SPATS2L: variants seen among roughly 807,000 people sequenced by gnomAD.
The protein encoded by SPATS2L is SPATS2-like protein.
Under a neutral mutation model 59.6 loss-of-function variants are expected in SPATS2L, and 30 were observed. That is an observed-to-expected ratio of 0.50 (90% CI 0.38 to 0.68). SPATS2L has a LOEUF of 0.68. Among genes scored for constraint, SPATS2L ranks in the 30% least tolerant of loss-of-function variants. The pLI is 0.00. For synonymous variants in SPATS2L, 252 were observed against 263.5 expected (o/e 0.96, Z 0.42); for missense variants, 615 against 700.0 (o/e 0.88, Z 1.37).
At chr2:200,380,922 G>A (rs957638451) in intron 2 of SPATS2L, among the ~76,000 whole-genome samples, 1 of 152,032 alleles carries the variant, frequency 6.6e-6, no homozygotes, top group African/African-American at 2.4e-5. Flanking sequence ...TAATTAAAGC[G>A]ACTTTCCTCT....
intron 2 of SPATS2L, among the ~76,000 whole-genome samples, chr2:200,384,336 TTTTATTTATTTATTTATTTA>T (rs10592541): frequency 6.8e-6 from 1 of 148,076 alleles, no homozygotes; most frequent in East Asian, 2.0e-4. Flanking sequence ...GGTTCATAAA[TTTTATTTATTTATTTATTTA>T]TTTATTTATT....
At chr2:200,403,192 G>A (rs1278586833) in intron 3 of SPATS2L, among the ~76,000 whole-genome samples, 1 of 152,156 alleles carries the variant, frequency 6.6e-6, no homozygotes, top group Non-Finnish European at 1.5e-5. Context: ...GCCCAACCAA[G>A]GCAGGTGCAG....
intron 9 of SPATS2L, among the ~76,000 whole-genome samples, chr2:200,460,358 C>G (rs1396812294): frequency 1.3e-5 from 2 of 152,122 alleles, no homozygotes; most frequent in African/African-American, 4.8e-5. Flanking sequence ...TTTAATATAT[C>G]TGATTTGTCT....
At position 200,478,905 on chromosome 2, in the gene SPATS2L, T is replaced by TTTTTTC. The variant is rs1163314317; in HGVS notation, c.*886_*891dup. On this transcript the variant is annotated 3_prime_UTR_variant, in exon 13 of 13. Coordinates refer to ENST00000409140, the MANE Select transcript of SPATS2L (RefSeq NM_001100423.2). Reference sequence around the variant, plus strand: ...AGCTCCCATCTCTTTTTTTTTTTTCTTTTTTCTTTTTCTTTTTTTGAGACA... The same window carrying TTTTTTC: ...AGCTCCCATCTCTTTTTTTTTTTTCTTTTTTCTTTTTCTTTTTCTTTTTTTGAGACA... 2 of 151,696 alleles carry TTTTTTC rather than the reference T, an allele frequency of 1.3e-5. No individual in the cohort carries two copies. Among genetic ancestry groups the TTTTTTC allele is most frequent in the Non-Finnish European group, 2.9e-5 (2 of 67,952 alleles). 9.4% of individuals were successfully genotyped at this position (151,696 alleles called of 1,614,324 possible).
chr2:200,338,874 A>G (rs746869947), intron 2 of SPATS2L, among the ~76,000 whole-genome samples: 31 of 152,214 alleles, frequency 2.0e-4, no homozygotes, highest in Non-Finnish European at 3.8e-4. Flanking sequence ...CCAGATGACC[A>G]AAAGAGGGTG....
chr2:200,441,242 T>C (rs977417842), intron 8 of SPATS2L, among the ~76,000 whole-genome samples: 1 of 152,218 alleles, frequency 6.6e-6, no homozygotes, highest in Non-Finnish European at 1.5e-5. Context: ...TCTTTAAGAC[T>C]AGAATTTAAA....
intron 5 of SPATS2L, 24 bp from the exon 6 acceptor site, chr2:200,419,226 G>A (rs2083203624): frequency 2.6e-6 from 4 of 1,544,470 alleles, no homozygotes; most frequent in Non-Finnish European, 3.5e-6. Context: ...TGAATATTAT[G>A]TTCTCATTTG....
chr2:200,408,120 C>G (rs918299372), intron 3 of SPATS2L, among the ~76,000 whole-genome samples: 13 of 152,088 alleles, frequency 8.5e-5, no homozygotes, highest in African/African-American at 2.9e-4. Context: ...CAAAGGTGAC[C>G]TCTGGCAGGG....
At chr2:200,457,227 C>T (rs1463177834) in intron 8 of SPATS2L, among the ~76,000 whole-genome samples, 1 of 1,850 alleles carries the variant, frequency 5.4e-4, no homozygotes, top group African/African-American at 7.8e-4. Flanking sequence ...CATACATACA[C>T]ACACACACAC....
At chr2:200,459,714 GT>G in intron 8 of SPATS2L, 54 bp from the exon 9 acceptor site, 6 of 1,371,202 alleles carry the variant, frequency 4.4e-6, no homozygotes, top group Non-Finnish European at 6.1e-6. Context: ...CTTATTAAAA[GT>G]TTATCTTTGA....
chr2:200,455,365 GC>G (rs2085761888), intron 8 of SPATS2L, among the ~76,000 whole-genome samples: 1 of 152,192 alleles, frequency 6.6e-6, no homozygotes, highest in Non-Finnish European at 1.5e-5. Flanking sequence ...GCAAGGTTAA[GC>G]AGAAGAGTTG....
chr2:200,435,236 A>G (rs768110263), intron 6 of SPATS2L, among the ~76,000 whole-genome samples: 45 of 152,314 alleles, frequency 3.0e-4, no homozygotes, highest in Non-Finnish European at 4.6e-4. Flanking sequence ...TCAGGACATT[A>G]TATACCATTT....
intron 9 of SPATS2L, chr2:200,461,367 C>G (rs2086228151): frequency 2.0e-5 from 3 of 152,028 alleles, no homozygotes; most frequent in South Asian, 4.1e-4. Flanking sequence ...TTTCTTTATG[C>G]TGATTTCTAA....
At chr2:200,326,931 GA>G (rs1323602633) in intron 1 of SPATS2L, among the ~76,000 whole-genome samples, 1 of 125,408 alleles carries the variant, frequency 8.0e-6, no homozygotes, top group African/African-American at 2.9e-5. Flanking sequence ...TTTTTTAGCA[GA>G]GTTGGGGTTT....
intron 2 of SPATS2L, among the ~76,000 whole-genome samples, chr2:200,374,941 GA>G (rs2081546883): frequency 6.6e-6 from 1 of 152,164 alleles, no homozygotes; most frequent in Admixed American, 6.5e-5. Flanking sequence ...TCAATCTTTA[GA>G]AAAATGATTT....
Position 200,419,341 on chromosome 2 carries a change from A to G in SPATS2L, c.290A>G (p.Gln97Arg). 1 of 1,610,808 alleles carries G rather than the reference A, an allele frequency of 6.2e-7. No homozygotes were observed. The highest frequency in any genetic ancestry group is 8.5e-7 in the Non-Finnish European group (1 of 1,178,484). Residue 97 changes from glutamine (Q) to arginine (R), a missense_variant, in exon 6 of 13, where the codon CAG becomes CGG. By Grantham distance (43) the Gln-to-Arg change is conservative. Transcript: ENST00000409140. ...KVERPEAGPL[Q>R]PQPPQIQNGP... The stretch of plus-strand genomic sequence containing the variant: ...GAGAGGCCTGAGGCAGGGCCCCTGC[A>G]GCCGCAGCCACCACAGATTCAAAAC...
At chr2:200,424,464 G>A (rs967736840) in intron 6 of SPATS2L, among the ~76,000 whole-genome samples, 5 of 152,146 alleles carry the variant, frequency 3.3e-5, no homozygotes, top group African/African-American at 1.2e-4. Context: ...ACTCTAGCCT[G>A]GGGTACAGGG....
At position 200,388,044 on chromosome 2, in the gene SPATS2L, G is replaced by A. The variant is rs189875247; in HGVS notation, c.-22-1179G>A. On this transcript the variant is annotated intron_variant, in intron 2 of 12. Coordinates refer to ENST00000409140, the MANE Select transcript of SPATS2L (RefSeq NM_001100423.2). ...CCTAAAGATTTTGAAGAAACAGAAG[G>A]ATTATGGGCAGTTTTAAGGGTCCAT... Among the ~76,000 whole-genome samples the A allele has an allele frequency of 8.1e-4, 124 of 152,224 alleles. 2 individuals are homozygous for A. The highest frequency in any genetic ancestry group is 2.8e-3 in the African/African-American group (116 of 41,530).
chr2:200,472,915 G>C lies in SPATS2L; in HGVS notation c.1144G>C (p.Gly382Arg). 1 of 1,613,848 alleles carries C rather than the reference G, an allele frequency of 6.2e-7. No individual in the cohort carries two copies. Among genetic ancestry groups the C allele is most frequent in the Non-Finnish European group, 8.5e-7 (1 of 1,179,876 alleles). ...GCTGAATGCGCACGCAGCAACCTCT[G>C]GGAAACAGAGTAACTTTTCCCGAAA... ...PLLNAHAATS[G>R]KQSNFSRKSS... The change falls in exon 12 of 13, where the codon GGG becomes CGG. Residue 382 changes from glycine (G) to arginine (R), a missense_variant. Gly to Arg is a moderately radical substitution (Grantham distance 125). Around this residue, in one of 3 missense-constraint regions of SPATS2L, gnomAD observed 284 missense variants for 280.1 expected, o/e 1.01. Coordinates refer to ENST00000409140, the MANE Select transcript of SPATS2L (RefSeq NM_001100423.2).
Sources: allele counts gnomAD v4.1 joint callset (sites outside exome capture counted in the v4.1 genomes callset), GRCh38; gene constraint gnomAD v4.1.1; regional missense constraint gnomAD v4.1.1; transcripts MANE v1.5; gene names NCBI Gene and HGNC (gene_info 2026-07-23, HGNC 2026-07-21).